The following IGSF11 variants were observed in gnomAD, a reference collection of about 807,000 sequenced individuals.
The protein encoded by IGSF11 is immunoglobulin superfamily member 11, also known as CXADR like 1.
Under a neutral mutation model 41.0 loss-of-function variants are expected in IGSF11, and 22 were observed. The observed-to-expected ratio is 0.54, with a 90% CI of 0.38 to 0.77. The LOEUF (loss-of-function observed/expected upper bound fraction) is 0.77. IGSF11 is among the 30% of genes least tolerant of loss of function. IGSF11 has a pLI of 0.00. For missense variants in IGSF11, 444 were observed against 530.8 expected (o/e 0.84, Z 1.61); for synonymous variants, 219 against 201.3 (o/e 1.09, Z -0.74).
intron 1 of IGSF11, among the ~76,000 whole-genome samples, chr3:118,935,827 A>G (rs1943231962): frequency 6.6e-6 from 1 of 152,144 alleles, no homozygotes; most frequent in Non-Finnish European, 1.5e-5. Context: ...TCTGTATATA[A>G]ATTAAGATTT....
chr3:119,103,821 CA>C (rs1192357962), intron 1 of IGSF11, among the ~76,000 whole-genome samples: 1 of 152,136 alleles, frequency 6.6e-6, no homozygotes, highest in African/African-American at 2.4e-5. Context: ...ACCATCTTCC[CA>C]TAATTCCAAA....
intron 1 of IGSF11, among the ~76,000 whole-genome samples, chr3:119,120,713 G>T (rs1039190341): frequency 6.6e-6 from 1 of 152,162 alleles, no homozygotes; most frequent in African/African-American, 2.4e-5. Flanking sequence ...ACCTGTACAG[G>T]TTTTACCTGA....
At chr3:118,931,716 C>G (rs1942866483) in intron 1 of IGSF11, among the ~76,000 whole-genome samples, 1 of 150,828 alleles carries the variant, frequency 6.6e-6, no homozygotes, top group Non-Finnish European at 1.5e-5. Flanking sequence ...TTGTACAACT[C>G]TGCAAGCTTA....
chr3:119,124,099 A>G (rs761621812), intron 1 of IGSF11, among the ~76,000 whole-genome samples: 54 of 152,282 alleles, frequency 3.5e-4, no homozygotes, highest in Non-Finnish European at 6.6e-4. Context: ...GAGGAAATTC[A>G]AAGAAATTCA....
At chr3:119,026,092 A>C (rs1393715984) in intron 1 of IGSF11, among the ~76,000 whole-genome samples, 4 of 152,170 alleles carry the variant, frequency 2.6e-5, no homozygotes, top group Non-Finnish European at 4.4e-5. Context: ...AACATGGTGA[A>C]ACCCCGTCTC....
At chr3:118,912,652 C>A (rs1368850973) in intron 4 of IGSF11, among the ~76,000 whole-genome samples, 2 of 152,084 alleles carry the variant, frequency 1.3e-5, no homozygotes, top group Non-Finnish European at 2.9e-5. Context: ...GTGAAGCGTT[C>A]ACATGAGGGA....
At chr3:118,918,068 T>TA (rs1941358902) in intron 4 of IGSF11, among the ~76,000 whole-genome samples, 1 of 128,522 alleles carries the variant, frequency 7.8e-6, no homozygotes, top group Admixed American at 7.7e-5. Flanking sequence ...CCCTTCATGC[T>TA]AAAAACTCTC....
chr3:118,947,499 T>A (rs1269955483), intron 1 of IGSF11: 5 of 152,192 alleles, frequency 3.3e-5, no homozygotes, highest in Non-Finnish European at 7.4e-5. Flanking sequence ...AATTGATGGA[T>A]AAATAAGAAA....
upstream of IGSF11, among the ~76,000 whole-genome samples, chr3:119,106,012 C>A (rs1043769344): frequency 6.6e-6 from 1 of 152,094 alleles, no homozygotes; most frequent in African/African-American, 2.4e-5. Flanking sequence ...ATATTGAATG[C>A]AAAACATATA....
intron 1 of IGSF11, among the ~76,000 whole-genome samples, chr3:118,935,915 G>A (rs530825956): frequency 6.6e-6 from 1 of 152,140 alleles, no homozygotes; most frequent in Non-Finnish European, 1.5e-5. Flanking sequence ...TCTAGGGAAA[G>A]AACTGACTCA....
upstream of IGSF11, among the ~76,000 whole-genome samples, chr3:119,109,421 G>A (rs1342913922): frequency 1.3e-5 from 2 of 152,098 alleles, no homozygotes; most frequent in African/African-American, 2.4e-5. Context: ...TAATTCTGAG[G>A]GATCGGTGGT....
At chr3:118,989,939 G>C (rs1248327043) in intron 1 of IGSF11, among the ~76,000 whole-genome samples, 1 of 152,112 alleles carries the variant, frequency 6.6e-6, no homozygotes, top group South Asian at 2.1e-4. Flanking sequence ...GATAAGCAGG[G>C]GTTTTCCAGA....
intron 1 of IGSF11, among the ~76,000 whole-genome samples, chr3:119,062,522 A>G (rs1322505712): frequency 1.3e-5 from 2 of 152,222 alleles, no homozygotes; most frequent in Non-Finnish European, 2.9e-5. Context: ...CTAAACAATC[A>G]GATCATGCAA....
chr3:119,046,613 G>A, intron 1 of IGSF11, among the ~76,000 whole-genome samples: 1 of 151,888 alleles, frequency 6.6e-6, no homozygotes, highest in Non-Finnish European at 1.5e-5. Context: ...AGCAAGGCAG[G>A]CCAACATTCA....
intron 1 of IGSF11, among the ~76,000 whole-genome samples, chr3:118,996,126 G>A (rs1331644602): frequency 1.3e-5 from 2 of 152,214 alleles, no homozygotes; most frequent in Non-Finnish European, 2.9e-5. Context: ...TGACTCGGTT[G>A]ATAAAATGGA....
chr3:119,110,050 A>G (rs1303621380), upstream of IGSF11, among the ~76,000 whole-genome samples: 3 of 152,082 alleles, frequency 2.0e-5, no homozygotes, highest in East Asian at 3.9e-4. Context: ...GTGGTGCTGA[A>G]AAAAATGTAT....
intron 4 of IGSF11, among the ~76,000 whole-genome samples, chr3:118,920,504 T>C (rs1035333914): frequency 3.3e-5 from 5 of 151,918 alleles, no homozygotes; most frequent in Middle Eastern, 3.2e-3. Flanking sequence ...ACCTAAAACA[T>C]AAAGCATGGA....
At chr3:118,998,182 A>C (rs938660861) in intron 1 of IGSF11, among the ~76,000 whole-genome samples, 1 of 152,212 alleles carries the variant, frequency 6.6e-6, no homozygotes, top group African/African-American at 2.4e-5. Flanking sequence ...GAGTTGGCTT[A>C]TGACCTAATT....
At chr3:119,116,264 T>C (rs565533411) in intron 1 of IGSF11, among the ~76,000 whole-genome samples, 4 of 152,288 alleles carry the variant, frequency 2.6e-5, no homozygotes, top group African/African-American at 7.2e-5. Context: ...TCTTTTTTTT[T>C]CCTGCCTGCC....
Sources: gnomAD v4.1 joint callset for allele counts (sites outside exome capture counted in the v4.1 genomes callset) on GRCh38, gnomAD v4.1.1 for gene constraint, MANE v1.5 for transcripts, NCBI Gene and HGNC (gene_info 2026-07-23, HGNC 2026-07-21) for gene names.